IGBP1C: variants seen among roughly 807,000 people sequenced by gnomAD.
The protein encoded by IGBP1C is IGBP1 family member C.
At chr17:58,666,458 C>CAAACAAAAAAA in the IGBP1C span, 13 of 36,812 alleles carry the variant, frequency 3.5e-4, no homozygotes, top group Admixed American at 5.2e-4. Context: ...CCTTCCACGG[C>CAAACAAAAAAA]AAAAAAAAAA....
the IGBP1C span, among the ~76,000 whole-genome samples, chr17:58,678,431 T>C: frequency 1.3e-5 from 2 of 152,090 alleles, no homozygotes; most frequent in East Asian, 3.9e-4. Context: ...AACCCAAATG[T>C]CCATCAATGA....
At chr17:58,667,891 TAAA>T in the IGBP1C span, among the ~76,000 whole-genome samples, 11 of 102,770 alleles carry the variant, frequency 1.1e-4, no homozygotes, top group African/African-American at 7.4e-5. Context: ...AGACTCTGGC[TAAA>T]AAAAAAAAAA....
At chr17:58,661,010 A>T in the IGBP1C span, 7 of 1,169,046 alleles carry the variant, frequency 6.0e-6, no homozygotes, top group South Asian at 8.5e-5. Flanking sequence ...CTGAAGGTGA[A>T]GAAGATAATA....
At chr17:58,671,598 G>A in the IGBP1C span, among the ~76,000 whole-genome samples, 1 of 152,086 alleles carries the variant, frequency 6.6e-6, no homozygotes, top group Non-Finnish European at 1.5e-5. Flanking sequence ...TCCATTAAAA[G>A]CCAGCCCCAG....
the IGBP1C span, among the ~76,000 whole-genome samples, chr17:58,690,304 C>A: frequency 6.6e-6 from 1 of 152,018 alleles, no homozygotes; most frequent in Non-Finnish European, 1.5e-5. Flanking sequence ...GTAGCTGGGA[C>A]TAGAGGCATG....
At chr17:58,666,031 G>A in the IGBP1C span, among the ~76,000 whole-genome samples, 6 of 148,782 alleles carry the variant, frequency 4.0e-5, no homozygotes, top group South Asian at 2.1e-4. Flanking sequence ...CCTGGGAGAC[G>A]GCGAGACTCT....
At chr17:58,677,412 A>G in the IGBP1C span, among the ~76,000 whole-genome samples, 1 of 152,332 alleles carries the variant, frequency 6.6e-6, no homozygotes, top group African/African-American at 2.4e-5. Context: ...ACAGCCAAGA[A>G]AAAACACCAA....
chr17:58,662,433 A>T, the IGBP1C span, among the ~76,000 whole-genome samples: 1 of 151,268 alleles, frequency 6.6e-6, no homozygotes, highest in Non-Finnish European at 1.5e-5. Context: ...ACACACACAC[A>T]CACACACACA....
chr17:58,669,052 T>TA, the IGBP1C span, among the ~76,000 whole-genome samples: 23 of 152,088 alleles, frequency 1.5e-4, no homozygotes, highest in African/African-American at 5.5e-4. Flanking sequence ...CTGTATTGTG[T>TA]AAAAAAGGGG....
chr17:58,672,737 C>G, the IGBP1C span, among the ~76,000 whole-genome samples: 1 of 151,164 alleles, frequency 6.6e-6, no homozygotes, highest in Non-Finnish European at 1.5e-5. Context: ...TCCTTTTTTT[C>G]TTTGTTTGTT....
At chr17:58,680,936 G>A in the IGBP1C span, among the ~76,000 whole-genome samples, 1 of 151,938 alleles carries the variant, frequency 6.6e-6, no homozygotes, top group African/African-American at 2.4e-5. Flanking sequence ...CCTTGTCACT[G>A]ACTTCAAGCT....
the IGBP1C span, among the ~76,000 whole-genome samples, chr17:58,670,567 T>C: frequency 6.6e-6 from 1 of 151,070 alleles, no homozygotes; most frequent in Non-Finnish European, 1.5e-5. Flanking sequence ...TGAGGTCAGG[T>C]GTTTGAGACC....
the IGBP1C span, chr17:58,679,686 A>G: frequency 1.3e-5 from 2 of 152,234 alleles, no homozygotes; most frequent in Admixed American, 1.3e-4. Flanking sequence ...TTGCCAGTTA[A>G]GTATGAGTCC....
chr17:58,663,899 CA>C, the IGBP1C span, among the ~76,000 whole-genome samples: 1 of 152,152 alleles, frequency 6.6e-6, no homozygotes, highest in Non-Finnish European at 1.5e-5. Context: ...CTATTTAGGC[CA>C]GGGGCAGTGG....
chr17:58,662,131 A>C, the IGBP1C span, among the ~76,000 whole-genome samples: 1 of 147,048 alleles, frequency 6.8e-6, no homozygotes, highest in South Asian at 2.5e-4. Context: ...GTGAGCCACC[A>C]CGCCTGGCCT....
the IGBP1C span, among the ~76,000 whole-genome samples, chr17:58,683,998 G>C: frequency 6.6e-6 from 1 of 152,074 alleles, no homozygotes; most frequent in Admixed American, 6.6e-5. Context: ...CCGAGAGACG[G>C]AGGTTGCAGT....
the IGBP1C span, among the ~76,000 whole-genome samples, chr17:58,676,784 G>A: frequency 6.6e-6 from 1 of 152,078 alleles, no homozygotes; most frequent in Admixed American, 6.6e-5. Flanking sequence ...CCAAGAGTTC[G>A]AGACCAGCCT....
At chr17:58,691,777 T>C in the IGBP1C span, among the ~76,000 whole-genome samples, 1 of 151,970 alleles carries the variant, frequency 6.6e-6, no homozygotes, top group African/African-American at 2.4e-5. Flanking sequence ...TCTAAACTGC[T>C]TGCCTTCCTC....
chr17:58,683,544 C>A, the IGBP1C span, among the ~76,000 whole-genome samples: 3 of 151,134 alleles, frequency 2.0e-5, no homozygotes, highest in Non-Finnish European at 4.4e-5. Flanking sequence ...AGGCGGATAA[C>A]CTGAGGTCAG....
Sources: allele counts gnomAD v4.1 joint callset (sites outside exome capture counted in the v4.1 genomes callset), GRCh38; gene constraint gnomAD v4.1.1; transcripts MANE v1.5; gene names NCBI Gene and HGNC (gene_info 2026-07-23, HGNC 2026-07-21).